The following TXNRD1 variants were observed in gnomAD, a reference collection of about 807,000 sequenced individuals.
The protein encoded by TXNRD1 is thioredoxin reductase 1, cytoplasmic.
A neutral mutation model predicts 80.3 loss-of-function variants in TXNRD1; 57 were observed. That is an observed-to-expected ratio of 0.71 (90% CI 0.57 to 0.89). The LOEUF (loss-of-function observed/expected upper bound fraction) is 0.89, where lower values mean the gene tolerates loss of function less well. TXNRD1 is among the 40% of genes least tolerant of loss of function. The pLI is 0.00. For missense variants in TXNRD1, 730 were observed against 803.0 expected (o/e 0.91, Z 1.10); for synonymous variants, 291 against 285.2 (o/e 1.02, Z -0.20).
At chr12:104,264,274 T>C (rs118054432) in intron 3 of TXNRD1, among the ~76,000 whole-genome samples, 5,272 of 152,280 alleles carry the variant, frequency 0.035, 117 homozygotes, top group Non-Finnish European at 0.047. Context: ...GGATCACGGG[T>C]GGACAAAGGT....
At chr12:104,253,767 C>T (rs943102032) in intron 2 of TXNRD1, among the ~76,000 whole-genome samples, 3 of 150,868 alleles carry the variant, frequency 2.0e-5, no homozygotes, top group African/African-American at 4.9e-5. Context: ...GATCTCGGCT[C>T]GCTGCAACCT....
chr12:104,217,297 A>T (rs1161142142), intron 1 of TXNRD1, among the ~76,000 whole-genome samples: 5 of 147,934 alleles, frequency 3.4e-5, no homozygotes, highest in African/African-American at 1.2e-4. Context: ...AAAAAAAAAA[A>T]TTTACCATCT....
intron 3 of TXNRD1, among the ~76,000 whole-genome samples, chr12:104,260,498 C>T (rs1302256900): frequency 6.6e-6 from 1 of 151,694 alleles, no homozygotes; most frequent in Non-Finnish European, 1.5e-5. Flanking sequence ...ACACAAAAAA[C>T]AACAACAACA....
chr12:104,266,088 G>T (rs556068808), intron 3 of TXNRD1, among the ~76,000 whole-genome samples: 3 of 151,922 alleles, frequency 2.0e-5, no homozygotes, highest in Non-Finnish European at 4.4e-5. Flanking sequence ...ATTTTTTCCT[G>T]TATGTTGTAT....
chr12:104,242,472 T>G (rs113688667), intron 1 of TXNRD1, among the ~76,000 whole-genome samples: 61 of 151,598 alleles, frequency 4.0e-4, no homozygotes, highest in African/African-American at 1.4e-3. Flanking sequence ...CGCTTGAACC[T>G]GGGAGGTGGA....
At chr12:104,216,862 C>T (rs10861169) in intron 1 of TXNRD1, among the ~76,000 whole-genome samples, 106,338 of 152,112 alleles carry the variant, frequency 0.7, 37,818 homozygotes, top group East Asian at 0.86. Context: ...CTGCCTCTTT[C>T]AAAGGCTTAC....
chr12:104,309,626 G>A, intron 4 of TXNRD1: 1 of 506,608 alleles, frequency 2.0e-6, no homozygotes, highest in South Asian at 2.1e-5. Flanking sequence ...ACATCTAACT[G>A]GATTTATTAG....
chr12:104,346,035 G>A (rs913459716), intron 16 of TXNRD1: 6 of 1,274,328 alleles, frequency 4.7e-6, no homozygotes, highest in Non-Finnish European at 6.1e-6. Context: ...TCATTTATTT[G>A]AGATAGGGTT....
At chr12:104,325,068 G>C (rs1165433570) in intron 10 of TXNRD1, among the ~76,000 whole-genome samples, 1 of 152,068 alleles carries the variant, frequency 6.6e-6, no homozygotes, top group Non-Finnish European at 1.5e-5. Flanking sequence ...GCTTTCTGTA[G>C]CTTGCTTTTC....
intron 16 of TXNRD1, among the ~76,000 whole-genome samples, chr12:104,341,020 T>C (rs1353225519): frequency 2.0e-5 from 3 of 152,208 alleles, no homozygotes; most frequent in African/African-American, 7.2e-5. Context: ...TGTGCTGGCC[T>C]CTGACCCCCT....
At chr12:104,296,707 CACTT>C (rs2034449006) in intron 4 of TXNRD1, among the ~76,000 whole-genome samples, 1 of 152,198 alleles carries the variant, frequency 6.6e-6, no homozygotes, top group Non-Finnish European at 1.5e-5. Context: ...AGAAGAGACT[CACTT>C]AAAGGATTTA....
chr12:104,345,990 G>A lies in TXNRD1; in HGVS notation c.1882-2363G>A, dbSNP rs980589426. 37 of 1,288,388 alleles carry A rather than the reference G, an allele frequency of 2.9e-5. No individual in the cohort carries two copies. The African/African-American group carries it at 3.6e-4, about 13-fold the overall frequency. The allele number at this position is 1,288,388 out of a possible 1,614,324, so 79.8% of individuals were successfully genotyped here. ...TAAAAATTCTAAAACAGTTGTGTAC[G>A]AATGAAATCTGTCAATTGACCCAAG... On this transcript the variant is annotated intron_variant, in intron 16 of 16. Transcript: ENST00000525566.
chr12:104,246,774 G>A (rs1328138688), intron 1 of TXNRD1, among the ~76,000 whole-genome samples: 1 of 151,984 alleles, frequency 6.6e-6, no homozygotes, highest in Non-Finnish European at 1.5e-5. Flanking sequence ...GCCCGCCTCG[G>A]TCTCCCAAAG....
chr12:104,254,644 A>AAAAAAATATATAT, intron 2 of TXNRD1, among the ~76,000 whole-genome samples: 1 of 93,650 alleles, frequency 1.1e-5, no homozygotes, highest in African/African-American at 5.2e-5. Flanking sequence ...AAAAAAAAAA[A>AAAAAAATATATAT]ATATATATAT....
intron 3 of TXNRD1, among the ~76,000 whole-genome samples, chr12:104,267,284 C>CTTCTTTCTTTCTT (rs2033524577): frequency 1.1e-4 from 1 of 9,220 alleles, no homozygotes; most frequent in African/African-American, 3.9e-4. Context: ...TCTTTCTTTC[C>CTTCTTTCTTTCTT]TCTTTCTGTC....
intron 3 of TXNRD1, among the ~76,000 whole-genome samples, chr12:104,285,686 C>A (rs1384768759): frequency 6.6e-6 from 1 of 152,094 alleles, no homozygotes; most frequent in Non-Finnish European, 1.5e-5. Context: ...GAGTTTATGA[C>A]CCTGGTTCAT....
intron 4 of TXNRD1, chr12:104,303,749 G>A: frequency 2.0e-6 from 2 of 1,005,976 alleles, no homozygotes; most frequent in Non-Finnish European, 2.7e-6. Context: ...ATGGGCGGGC[G>A]TCCTCGGCTC....
chr12:104,245,384 G>A (rs1040283279), intron 1 of TXNRD1, among the ~76,000 whole-genome samples: 14 of 151,426 alleles, frequency 9.2e-5, no homozygotes, highest in Admixed American at 2.6e-4. Flanking sequence ...GGTGGCACAG[G>A]CACATGTCGG....
At chr12:104,287,361 C>A in intron 3 of TXNRD1, 1 of 1,613,958 alleles carries the variant, frequency 6.2e-7, no homozygotes, top group East Asian at 2.2e-5. Context: ...GTGAGGCCGG[C>A]GCCTGTAGGC....
Sources: allele counts gnomAD v4.1 joint callset (sites outside exome capture counted in the v4.1 genomes callset), GRCh38; gene constraint gnomAD v4.1.1; transcripts MANE v1.5; gene names NCBI Gene and HGNC (gene_info 2026-07-23, HGNC 2026-07-21).